The following CDH18 variants were observed in gnomAD, a reference collection of about 807,000 sequenced individuals.
CDH18 encodes cadherin 18.
CDH18 carries 31 observed loss-of-function variants against 67.9 expected under a neutral mutation model. The observed-to-expected ratio is 0.46, with a 90% CI of 0.34 to 0.62. CDH18 has a LOEUF of 0.62. Ranked by LOEUF, CDH18 falls within the 20% of genes least tolerant of loss-of-function variation. CDH18 has a pLI of 0.01. For synonymous variants in CDH18, 362 were observed against 347.2 expected (o/e 1.04, Z -0.48); for missense variants, 890 against 975.5 (o/e 0.91, Z 1.17).
chr5:19,828,970 G>A (rs533574779), intron 3 of CDH18, among the ~76,000 whole-genome samples: 21 of 152,238 alleles, frequency 1.4e-4, no homozygotes, highest in African/African-American at 4.3e-4. Flanking sequence ...CCCAGGAGAC[G>A]GAATTTGCAG....
intron 2 of CDH18, among the ~76,000 whole-genome samples, chr5:20,105,486 T>C (rs1746850253): frequency 6.6e-6 from 1 of 152,232 alleles, no homozygotes; most frequent in Non-Finnish European, 1.5e-5. Flanking sequence ...TCAGTGGTGC[T>C]AAGCATGTTC....
chr5:20,168,673 G>T (rs2126638559), intron 2 of CDH18, among the ~76,000 whole-genome samples: 1 of 152,196 alleles, frequency 6.6e-6, no homozygotes, highest in East Asian at 1.9e-4. Context: ...TCTACAGTTT[G>T]CTATCAAAGA....
At chr5:19,641,494 T>C (rs1269191418) in intron 5 of CDH18, among the ~76,000 whole-genome samples, 1 of 152,050 alleles carries the variant, frequency 6.6e-6, no homozygotes, top group African/African-American at 2.4e-5. Flanking sequence ...TCATACACCA[T>C]GACCACGTGA....
chr5:20,302,730 G>T (rs1403520307), intron 1 of CDH18, among the ~76,000 whole-genome samples: 1 of 152,204 alleles, frequency 6.6e-6, no homozygotes, highest in African/African-American at 2.4e-5. Context: ...ATGAGAATGC[G>T]CTACGCACTG....
intron 2 of CDH18, among the ~76,000 whole-genome samples, chr5:20,205,229 G>T (rs920452314): frequency 3.3e-5 from 5 of 151,670 alleles, no homozygotes; most frequent in African/African-American, 1.2e-4. Context: ...TGAGCAGGAG[G>T]AACTATACAC....
intron 12 of CDH18, among the ~76,000 whole-genome samples, chr5:19,481,766 C>A (rs1422543472): frequency 6.6e-6 from 1 of 152,124 alleles, no homozygotes; most frequent in Non-Finnish European, 1.5e-5. Context: ...AAACAAGGAA[C>A]ATATTTTTTC....
chr5:19,755,796 C>T (rs1258299552), intron 3 of CDH18, among the ~76,000 whole-genome samples: 4 of 151,684 alleles, frequency 2.6e-5, no homozygotes, highest in South Asian at 2.1e-4. Context: ...AGAAAGATGT[C>T]GACTGGGAGA....
chr5:20,180,902 A>C (rs4610460), intron 2 of CDH18, among the ~76,000 whole-genome samples: 105,955 of 152,034 alleles, frequency 0.7, 37,566 homozygotes, highest in African/African-American at 0.84. Context: ...CATTGATATA[A>C]CTATTACACT....
intron 2 of CDH18, among the ~76,000 whole-genome samples, chr5:19,850,606 G>A (rs1217495478): frequency 3.3e-5 from 5 of 151,752 alleles, no homozygotes; most frequent in Admixed American, 1.3e-4. Context: ...TTATATGACC[G>A]ATAAATTGTA....
upstream of CDH18, among the ~76,000 whole-genome samples, chr5:19,990,489 A>G (rs1053110936): frequency 6.6e-6 from 1 of 152,210 alleles, no homozygotes; most frequent in Non-Finnish European, 1.5e-5. Context: ...CTTGCTCCTC[A>G]GTGCAACGAC....
In CDH18 at chr5:20,476,918, G is replaced by T. The variant is rs971986782; in HGVS notation, c.-580+98544C>A. Among the ~76,000 whole-genome samples the T allele has an allele frequency of 2.0e-5, 3 of 152,120 alleles. No homozygotes were observed. In the East Asian group the frequency reaches 5.8e-4, roughly 29 times the overall value. The stretch of plus-strand genomic sequence containing the variant: ...TCTGGTTTTGAATTAATTTTGTTCT[G>T]TAATGTTGTAACAGAGATTTTTAAA... On this transcript the variant is annotated intron_variant, in intron 1 of 14. Coordinates refer to the CDH18 transcript ENST00000507958.
chr5:20,046,461 T>C (rs187701215), intron 2 of CDH18, among the ~76,000 whole-genome samples: 40 of 151,694 alleles, frequency 2.6e-4, no homozygotes, highest in African/African-American at 9.7e-4. Context: ...GGTGTTTATA[T>C]CAGAAATAGG....
At chr5:20,322,416 T>C (rs1038665267) in intron 1 of CDH18, among the ~76,000 whole-genome samples, 4 of 152,110 alleles carry the variant, frequency 2.6e-5, no homozygotes, top group Non-Finnish European at 5.9e-5. Context: ...TAAAACAAGA[T>C]ATATGTTCTT....
chr5:20,473,590 C>A lies in CDH18; in HGVS notation c.-580+101872G>T, dbSNP rs148262074. Reference sequence around the variant, plus strand: ...AATATTGTTCTTTTCACTTGAATTTCTTATTTTCTTGGGATAAGTATTTCC... The same window carrying A: ...AATATTGTTCTTTTCACTTGAATTTATTATTTTCTTGGGATAAGTATTTCC... On this transcript the variant is annotated intron_variant, in intron 1 of 14. Transcript: ENST00000507958. Among the ~76,000 whole-genome samples, 10 of 151,908 alleles carry A rather than the reference C, an allele frequency of 6.6e-5. No homozygotes were observed. The East Asian group carries it at 9.7e-4, about 15-fold the overall frequency.
chr5:19,846,297 C>T lies in CDH18; in HGVS notation c.-256-7055G>A, dbSNP rs767453272. 2.6e-5 allele frequency among the ~76,000 whole-genome samples: 4 copies of T among 152,166 alleles called. No individual in the cohort carries two copies. The South Asian group carries it at 6.2e-4, about 24-fold the overall frequency. ...ATATAAAAACTCTACACTTTTACTTCACCCACACTAACATGCTTTATGTTA... is the reference window on the plus strand; with the variant it reads ...ATATAAAAACTCTACACTTTTACTTTACCCACACTAACATGCTTTATGTTA... On this transcript the variant is annotated intron_variant, in intron 2 of 12. Coordinates refer to ENST00000382275, the MANE Select transcript of CDH18 (RefSeq NM_004934.5).
intron 2 of CDH18, among the ~76,000 whole-genome samples, chr5:20,151,381 AT>A (rs1751088450): frequency 1.3e-5 from 2 of 152,048 alleles, no homozygotes; most frequent in South Asian, 4.1e-4. Flanking sequence ...TCTGTATCCA[AT>A]TTGCCATTGA....
intron 3 of CDH18, among the ~76,000 whole-genome samples, chr5:19,748,241 A>G (rs968260228): frequency 3.3e-5 from 5 of 150,970 alleles, no homozygotes; most frequent in African/African-American, 9.7e-5. Context: ...CTCTCATTTT[A>G]ATTAATTGAA....
At chr5:20,053,751 T>C (rs1741653137) in intron 2 of CDH18, among the ~76,000 whole-genome samples, 1 of 152,118 alleles carries the variant, frequency 6.6e-6, no homozygotes, top group Non-Finnish European at 1.5e-5. Context: ...GTTTCTACTC[T>C]TCACTTTCAT....
In CDH18 at chr5:20,443,723, C is replaced by T. The variant is rs113490943; in HGVS notation, c.-580+131739G>A. Among the ~76,000 whole-genome samples, 967 of 151,960 alleles carry T rather than the reference C, an allele frequency of 6.4e-3. 11 individuals carry two copies. Among genetic ancestry groups the T allele is most frequent in the Middle Eastern group, 0.014 (4 of 290 alleles). Reference sequence around the variant, plus strand: ...TATATCATTTTATACACTTACAATACTTGTCTTCCTCAGATTTCAGTTACT... The same window carrying T: ...TATATCATTTTATACACTTACAATATTTGTCTTCCTCAGATTTCAGTTACT... On this transcript the variant is annotated intron_variant, in intron 1 of 14. Transcript: ENST00000507958.
Sources: gnomAD v4.1 joint callset for allele counts (sites outside exome capture counted in the v4.1 genomes callset) on GRCh38, gnomAD v4.1.1 for gene constraint, MANE v1.5 for transcripts, NCBI Gene and HGNC (gene_info 2026-07-23, HGNC 2026-07-21) for gene names.